Variants in EXD3 observed in about 807,000 individuals in gnomAD.
The protein encoded by EXD3 is exonuclease mut-7 homolog.
EXD3 carries 92 observed loss-of-function variants against 98.0 expected under a neutral mutation model. The observed-to-expected ratio is 0.94, with a 90% CI of 0.79 to 1.12. EXD3 has a LOEUF of 1.12. Ranked by LOEUF, EXD3 falls within the 50% of genes most tolerant of loss-of-function variation. The pLI is 0.00. For synonymous variants in EXD3, 569 were observed against 526.0 expected, an observed-to-expected ratio of 1.08 and a Z score of -1.12; for missense variants, 1,222 against 1,191.6, an observed-to-expected ratio of 1.03 and a Z score of -0.38.
Position 137,407,975 on chromosome 9 carries a change from G to A in EXD3, c.-47-12571C>T, listed in dbSNP as rs952406498. ...AGGGGTTTTCCAGCCTCACGCCTCCGGGGGTCTCCCCAGCCTCATGCCTCT... is the reference window on the plus strand; with the variant it reads ...AGGGGTTTTCCAGCCTCACGCCTCCAGGGGTCTCCCCAGCCTCATGCCTCT... On this transcript the variant is annotated intron_variant, in intron 1 of 21. Coordinates refer to ENST00000340951, the MANE Select transcript of EXD3 (RefSeq NM_017820.5). The surrounding 1 kb of genome is among the most constrained non-coding windows in gnomAD (Gnocchi z 4.4). Among the ~76,000 whole-genome samples the A allele has an allele frequency of 2.6e-5, 4 of 152,070 alleles. No homozygotes were observed. Among genetic ancestry groups the A allele is most frequent in the African/African-American group, 7.2e-5 (3 of 41,494 alleles).
rs560496352 is a variant in EXD3, at chr9:137,358,349, C to T, written c.657-1981G>A. ...CACCTGTGTCCTCCTGGTTTCAGCA[C>T]GGAGCCCCAGCCCTGTCCTCAGCTG... On this transcript the variant is annotated intron_variant, in intron 7 of 21. Transcript: ENST00000340951. 2.6e-4 allele frequency among the ~76,000 whole-genome samples: 40 copies of T among 152,290 alleles called. No homozygotes were observed. The Middle Eastern group carries it at 0.02, about 78-fold the overall frequency.
intron 3 of EXD3, chr9:137,374,482 C>T: frequency 1.1e-6 from 1 of 872,286 alleles, no homozygotes; most frequent in Non-Finnish European, 1.4e-6. Context: ...CCAGGAGCAA[C>T]ATCCTGAGGC....
chr9:137,409,702 A>G (rs1382996167), intron 1 of EXD3, among the ~76,000 whole-genome samples: 1 of 152,188 alleles, frequency 6.6e-6, no homozygotes, highest in African/African-American at 2.4e-5. Flanking sequence ...TTCAGTTCAC[A>G]TTCCCTCGCT....
rs1019281459 is a variant in EXD3, at chr9:137,343,504, G to A, written c.1998+4567C>T. Reference sequence around the variant, plus strand: ...TATGTCAGAATCTGTGCTTCTATAGGTTCCCAATTAAGGGTATCCCATGGC... The same window carrying A: ...TATGTCAGAATCTGTGCTTCTATAGATTCCCAATTAAGGGTATCCCATGGC... On this transcript the variant is annotated intron_variant, in intron 17 of 21. Coordinates refer to ENST00000340951, the MANE Select transcript of EXD3 (RefSeq NM_017820.5). 3.5e-5 allele frequency: 5 copies of A among 142,696 alleles called. No individual in the cohort carries two copies. The Admixed American group carries it at 3.5e-4, about 10-fold the overall frequency. The allele number at this position is 142,696 out of a possible 1,614,324, so 8.8% of individuals were successfully genotyped here.
chr9:137,327,996 G>A, intron 17 of EXD3, among the ~76,000 whole-genome samples: 1 of 151,470 alleles, frequency 6.6e-6, no homozygotes, highest in African/African-American at 2.4e-5. Flanking sequence ...CCCATATGAT[G>A]AGTAAAACAA....
rs1333923570 is a variant in EXD3 at position 137,403,414 on chromosome 9, C to G, written c.-47-8010G>C. 1.5e-4 allele frequency among the ~76,000 whole-genome samples: 6 copies of G among 40,258 alleles called. No individual in the cohort carries two copies. Among genetic ancestry groups the G allele is most frequent in the African/African-American group, 4.1e-4 (4 of 9,856 alleles). 26.4% of individuals were successfully genotyped at this position (40,258 alleles called of 152,430 possible). On this transcript the variant is annotated intron_variant, in intron 1 of 21. Transcript: ENST00000340951. This position sits in a 1 kb window ranked among gnomAD's most constrained non-coding sequence, Gnocchi z 6.1. Reference sequence around the variant, plus strand: ...CCCCGTTCCTCTGTAGCCCTCCCCACCCCCAGCCCAGCAGCAGCAGCAGCC... The same window carrying G: ...CCCCGTTCCTCTGTAGCCCTCCCCAGCCCCAGCCCAGCAGCAGCAGCAGCC...
intron 4 of EXD3, 112 bp from the exon 5 acceptor site, chr9:137,373,184 T>G: frequency 7.5e-7 from 1 of 1,339,480 alleles, no homozygotes; most frequent in African/African-American, 1.5e-5. Flanking sequence ...TGGCCATGTG[T>G]GGGCATCGGG....
At chr9:137,323,482 C>T (rs1306317099) in intron 19 of EXD3, among the ~76,000 whole-genome samples, 2 of 82,084 alleles carry the variant, frequency 2.4e-5, no homozygotes, top group South Asian at 4.6e-4. Flanking sequence ...CACCCCACCC[C>T]GGACCCACGA....
In EXD3 at chr9:137,405,503, G is replaced by C. The variant is rs558079745; in HGVS notation, c.-47-10099C>G. Among the ~76,000 whole-genome samples, 1 of 152,168 alleles carries C rather than the reference G, an allele frequency of 6.6e-6. No individual in the cohort carries two copies. Among genetic ancestry groups the C allele is most frequent in the Admixed American group, 6.5e-5 (1 of 15,278 alleles). On this transcript the variant is annotated intron_variant, in intron 1 of 21. Transcript: ENST00000340951. The surrounding 1 kb of genome is among the most constrained non-coding windows in gnomAD (Gnocchi z 4.1). ...CTCACCCGTCCCCAGCCACTCACCC[G>C]TCCCCAGCATCCACAGTTTCTCAGG...
chr9:137,420,158 T>TC, intron 1 of EXD3, among the ~76,000 whole-genome samples: 1 of 144,416 alleles, frequency 6.9e-6, no homozygotes, highest in African/African-American at 2.5e-5. Flanking sequence ...AGACTCCGCC[T>TC]AAAAAAAAAA....
rs1588311239 is a variant in EXD3, at chr9:137,347,991, T to G, written c.1998+80A>C. The G allele has an allele frequency of 3.5e-6, 5 of 1,421,128 alleles. No individual in the cohort carries two copies. The highest frequency in any genetic ancestry group is 2.6e-5 in the East Asian group (1 of 37,994). The allele number at this position is 1,421,128 out of a possible 1,614,324, so 88.0% of individuals were successfully genotyped here. ...GCCATGGATGAGCTGGAGGGAGGAG[T>G]TTGATGCTAGGGGTGGGCACACCTG... On this transcript the variant is annotated intron_variant, in intron 17 of 21. Coordinates refer to ENST00000340951, the MANE Select transcript of EXD3 (RefSeq NM_017820.5). The surrounding 1 kb of genome is among the most constrained non-coding windows in gnomAD (Gnocchi z 4.2).
In EXD3 at chr9:137,349,430, C is replaced by G. The variant is rs763255828; in HGVS notation, c.1596G>C (p.Lys532Asn). 1.9e-6 allele frequency: 3 copies of G among 1,600,782 alleles called. No individual in the cohort carries two copies. Among genetic ancestry groups the G allele is most frequent in the Admixed American group, 1.7e-5 (1 of 59,074 alleles). ...GGTCCCAGTTGGACAGCTGCTGCGT[C>G]TTGTCCAGGGCTGTGCCCAGCACCT... ...VQQVLGTALD[K>N]TQQLSNWDRR... The change falls in exon 15 of 22, where the codon AAG becomes AAC. Residue 532 changes from lysine to asparagine, a missense_variant. Transcript: ENST00000340951. This position sits in a 1 kb window ranked among gnomAD's most constrained non-coding sequence, Gnocchi z 7.4.
intron 17 of EXD3, among the ~76,000 whole-genome samples, chr9:137,329,278 AGCTACACGGG>A (rs1378668624): frequency 1.7e-4 from 1 of 5,732 alleles, no homozygotes; most frequent in Non-Finnish European, 2.4e-4. Context: ...GCTACACGGG[AGCTACACGGG>A]GCTACAGGGG....
chr9:137,311,750 G>T (rs2119049251), intron 19 of EXD3, among the ~76,000 whole-genome samples: 1 of 152,332 alleles, frequency 6.6e-6, no homozygotes, highest in East Asian at 1.9e-4. Flanking sequence ...TTGGACCTGG[G>T]CTCCCCAGCC....
At chr9:137,331,026 A>C (rs1833041500) in intron 17 of EXD3, among the ~76,000 whole-genome samples, 1 of 152,200 alleles carries the variant, frequency 6.6e-6, no homozygotes. Flanking sequence ...TGCAAACGGA[A>C]TCCAACAGCA....
chr9:137,351,259 G>A, intron 13 of EXD3, 59 bp downstream of exon 13: 2 of 1,556,358 alleles, frequency 1.3e-6, no homozygotes, highest in East Asian at 2.4e-5. Context: ...GAAGGGTCAG[G>A]CAGGGGTGCG....
At chr9:137,317,879 C>T (rs1831776851) in intron 19 of EXD3, among the ~76,000 whole-genome samples, 1 of 152,202 alleles carries the variant, frequency 6.6e-6, no homozygotes, top group South Asian at 2.1e-4. Context: ...CTACCGCCAC[C>T]TTAGGAGCAG....
At position 137,395,284 on chromosome 9, in the gene EXD3, C is replaced by A; in HGVS notation, c.55+19G>T. On this transcript the variant is annotated intron_variant, in intron 2 of 21. Transcript: ENST00000340951. The surrounding 1 kb of genome is among the most constrained non-coding windows in gnomAD (Gnocchi z 6.5). ...CCCACAGCCCCAGGGAGACTCGGCA[C>A]CATCAGGCTCAGACTCACCCATGCG... The A allele has an allele frequency of 6.2e-7, 1 of 1,610,586 alleles. No homozygotes were observed. Among genetic ancestry groups the A allele is most frequent in the Non-Finnish European group, 8.5e-7 (1 of 1,177,242 alleles).
chr9:137,372,869 C>T lies in EXD3; in HGVS notation c.462+36G>A, dbSNP rs200835585. The T allele has an allele frequency of 1.0e-3, 1,652 of 1,593,426 alleles. 3 individuals are homozygous for T. Among genetic ancestry groups the T allele is most frequent in the Non-Finnish European group, 1.3e-3 (1,534 of 1,178,026 alleles). Reference sequence around the variant, plus strand: ...GTCCTTGCCCCACCGCCCGAGAAGCCGTTTCCCCATGAGCCCGGCCACGTG... The same window carrying T: ...GTCCTTGCCCCACCGCCCGAGAAGCTGTTTCCCCATGAGCCCGGCCACGTG... On this transcript the variant is annotated intron_variant, in intron 5 of 21. Transcript: ENST00000340951.
Sources: gnomAD v4.1 joint callset for allele counts (sites outside exome capture counted in the v4.1 genomes callset) on GRCh38, gnomAD v4.1.1 for gene constraint, Gnocchi (gnomAD v3.1) non-coding constraint, MANE v1.5 for transcripts, NCBI Gene and HGNC (gene_info 2026-07-23, HGNC 2026-07-21) for gene names.